HNRNPR: variants seen among roughly 807,000 people sequenced by gnomAD.
HNRNPR encodes the protein heterogeneous nuclear ribonucleoprotein R.
HNRNPR carries 4 observed loss-of-function variants against 70.3 expected under a neutral mutation model. The ratio of observed to expected loss-of-function variants is 0.06; its 90% confidence interval spans 0.03 to 0.13. The LOEUF is 0.13. HNRNPR is among the 10% of genes least tolerant of loss of function. The probability of loss-of-function intolerance (pLI) is 1.00; values close to 1 mark genes in which losing one functional copy is unlikely to be tolerated. For missense variants in HNRNPR, 423 were observed against 788.5 expected (o/e 0.54, Z 5.55); for synonymous variants, 241 against 267.6 (o/e 0.90, Z 0.97).
intron 5 of HNRNPR, among the ~76,000 whole-genome samples, chr1:23,324,468 T>C (rs909374672): frequency 1.3e-5 from 2 of 152,148 alleles, no homozygotes; most frequent in Non-Finnish European, 2.9e-5. Flanking sequence ...CTTGGGAGGC[T>C]GAGGCAGGAG....
At chr1:23,335,359 T>C (rs1646427324) in intron 4 of HNRNPR, among the ~76,000 whole-genome samples, 1 of 152,180 alleles carries the variant, frequency 6.6e-6, no homozygotes, top group Admixed American at 6.5e-5. Flanking sequence ...ATAAATGTAA[T>C]ATAAAACAGG....
rs147254283 is a variant in HNRNPR at position 23,310,559 on chromosome 1, G to A, written c.1797C>T (p.Ile599=). The A allele has an allele frequency of 2.5e-5, 40 of 1,614,074 alleles. 1 individual carries two copies. The highest frequency in any genetic ancestry group is 1.6e-4 in the African/African-American group (12 of 74,924). The part of the protein sequence containing the change: ...NNQQNWGSQP[I]AQQPLQQGGD... ...CACCTTGCTGAAGCGGCTGCTGAGCGATGGGTTGGGAACCCCAGTTCTGTT... is the reference window on the plus strand; with the variant it reads ...CACCTTGCTGAAGCGGCTGCTGAGCAATGGGTTGGGAACCCCAGTTCTGTT... Residue 599 remains isoleucine (I), a synonymous_variant, in exon 11 of 11, where the codon ATC becomes ATT. Coordinates refer to ENST00000302271, the MANE Select transcript of HNRNPR (RefSeq NM_005826.5). This position sits in a 1 kb window ranked among gnomAD's most constrained non-coding sequence, Gnocchi z 6.0.
In HNRNPR at chr1:23,308,900, T is replaced by A. The variant is rs916758467; in HGVS notation, c.*1554A>T. On this transcript the variant is annotated 3_prime_UTR_variant, in exon 11 of 11. Coordinates refer to ENST00000302271, the MANE Select transcript of HNRNPR (RefSeq NM_005826.5). ...TGTATCCATTTTAATTATTCCCCAA[T>A]GGCTTCTGATATTTTTATCATTATA... is the stretch of plus-strand genomic sequence containing the variant. 1 of 152,086 alleles carries A rather than the reference T, an allele frequency of 6.6e-6. No individual in the cohort carries two copies. Among genetic ancestry groups the A allele is most frequent in the Non-Finnish European group, 1.5e-5 (1 of 67,934 alleles). 9.4% of individuals were successfully genotyped at this position (152,086 alleles called of 1,614,324 possible).
intron 2 of HNRNPR, among the ~76,000 whole-genome samples, chr1:23,340,122 T>C (rs942335824): frequency 6.6e-6 from 1 of 151,944 alleles, no homozygotes; most frequent in Non-Finnish European, 1.5e-5. Flanking sequence ...AGAATCTGAA[T>C]AGGCACACAC....
chr1:23,337,886 A>C, intron 3 of HNRNPR, 25 bp from the exon 4 acceptor site: 1 of 1,391,552 alleles, frequency 7.2e-7, no homozygotes, highest in Non-Finnish European at 1.0e-6. Context: ...TAATTCAATA[A>C]AAAGAATCAC....
rs1189117929 is a variant in HNRNPR at position 23,336,600 on chromosome 1, A to T, written c.384+1154T>A. On this transcript the variant is annotated intron_variant, in intron 4 of 10. Coordinates refer to ENST00000302271, the MANE Select transcript of HNRNPR (RefSeq NM_005826.5). ...AAAAAAAAAAAAAAAAAAAAAAAAA[A>T]TTAGCTGGATGTGGTGGCGCACGCC... Among the ~76,000 whole-genome samples the T allele has an allele frequency of 9.8e-5, 11 of 112,588 alleles. No homozygotes were observed. The South Asian group carries it at 3.1e-3, about 31-fold the overall frequency. The allele number at this position is 112,588 out of a possible 152,430, so 73.9% of individuals were successfully genotyped here.
chr1:23,331,405 T>TAAA (rs59528152), intron 5 of HNRNPR, among the ~76,000 whole-genome samples: 17 of 127,236 alleles, frequency 1.3e-4, no homozygotes, highest in African/African-American at 3.9e-4. Flanking sequence ...CACAAAAAAT[T>TAAA]AAAAAAAAAA....
chr1:23,337,583 G>A lies in HNRNPR; in HGVS notation c.384+171C>T, dbSNP rs1646546773. Among the ~76,000 whole-genome samples, 4 of 151,840 alleles carry A rather than the reference G, an allele frequency of 2.6e-5. No homozygotes were observed. The South Asian group carries it at 8.3e-4, about 32-fold the overall frequency. On this transcript the variant is annotated intron_variant, in intron 4 of 10. Transcript: ENST00000302271. ...GAGGCAGGAGAATGGCATGAACTTG[G>A]GAGGTGGAGCTTGCAGTGATCCAAG...
At chr1:23,328,832 G>C (rs1446366776) in intron 5 of HNRNPR, among the ~76,000 whole-genome samples, 1 of 152,050 alleles carries the variant, frequency 6.6e-6, no homozygotes, top group African/African-American at 2.4e-5. Context: ...CAACTTCCTA[G>C]TGTGGGTTGG....
In HNRNPR at chr1:23,306,048, A is replaced by T. The variant is rs1180395804; in HGVS notation, c.*4406T>A. The T allele has an allele frequency of 6.6e-6, 1 of 152,200 alleles. No homozygotes were observed. Among genetic ancestry groups the T allele is most frequent in the Non-Finnish European group, 1.5e-5 (1 of 68,028 alleles). 9.4% of individuals were successfully genotyped at this position (152,200 alleles called of 1,614,324 possible). On this transcript the variant is annotated 3_prime_UTR_variant, in exon 11 of 11. Coordinates refer to ENST00000302271, the MANE Select transcript of HNRNPR (RefSeq NM_005826.5). ...TGCAATAAATATCTCTTTAAGATGC[A>T]TTATATGTTAATCTATCCAACAAAA...
At chr1:23,335,427 G>A (rs1646431639) in intron 4 of HNRNPR, among the ~76,000 whole-genome samples, 1 of 152,256 alleles carries the variant, frequency 6.6e-6, no homozygotes, top group Non-Finnish European at 1.5e-5. Context: ...TAGGAACCGG[G>A]CTGCATAGCA....
At chr1:23,312,170 C>A (rs1557822084) in intron 9 of HNRNPR, among the ~76,000 whole-genome samples, 2 of 152,122 alleles carry the variant, frequency 1.3e-5, no homozygotes, top group East Asian at 3.9e-4. Flanking sequence ...TTATAAGTAT[C>A]TAGACAAAAA....
intron 9 of HNRNPR, 134 bp downstream of exon 9, chr1:23,313,419 T>C: frequency 1.6e-6 from 1 of 642,486 alleles, no homozygotes; most frequent in African/African-American, 1.9e-5. Flanking sequence ...TATTACCACT[T>C]TACAGAGATT....
chr1:23,327,554 G>A (rs1402684928), intron 5 of HNRNPR, among the ~76,000 whole-genome samples: 1 of 152,216 alleles, frequency 6.6e-6, no homozygotes, highest in East Asian at 1.9e-4. Flanking sequence ...GTCAGGCATG[G>A]TGGCACAAGC....
chr1:23,307,131 C>G lies in HNRNPR; in HGVS notation c.*3323G>C, dbSNP rs1443215212. On this transcript the variant is annotated 3_prime_UTR_variant, in exon 11 of 11. Coordinates refer to ENST00000302271, the MANE Select transcript of HNRNPR (RefSeq NM_005826.5). The stretch of plus-strand genomic sequence containing the variant: ...AATTATCTTTGAAAAATCAAAATGA[C>G]AAGTTTTAACATATTTAGAAGCCTT... The G allele has an allele frequency of 6.6e-6, 1 of 152,006 alleles. No homozygotes were observed. Among genetic ancestry groups the G allele is most frequent in the Non-Finnish European group, 1.5e-5 (1 of 67,980 alleles). 9.4% of individuals were successfully genotyped at this position (152,006 alleles called of 1,614,324 possible). A position where few individuals can be genotyped will look rare whatever the true frequency, so the allele number is the denominator to read the frequency against.
Position 23,313,700 on chromosome 1 carries a change from T to A in HNRNPR, c.1020A>T (p.Val340=). 6.3e-7 allele frequency: 1 copy of A among 1,597,664 alleles called. No individual in the cohort carries two copies. The highest frequency in any genetic ancestry group is 8.5e-7 in the Non-Finnish European group (1 of 1,176,224). The change falls in exon 9 of 11, where the codon GTA becomes GTT. Residue 340 remains valine, a splice_region_variant and synonymous_variant. Coordinates refer to ENST00000302271, the MANE Select transcript of HNRNPR (RefSeq NM_005826.5). ...EEPDPEVMAK[V]KVLFVRNLAT... ...CCAAGTTTCTCACAAACAAAACTTT[T>A]ACCTAGTAAGCAACAAATAAACAAA...
At chr1:23,331,802 C>A (rs1290182625) in intron 5 of HNRNPR, among the ~76,000 whole-genome samples, 1 of 124,506 alleles carries the variant, frequency 8.0e-6, no homozygotes, top group African/African-American at 3.0e-5. Context: ...CACCACTAAA[C>A]TCCAGTCTGG....
chr1:23,316,212 G>A (rs189875223), intron 8 of HNRNPR, among the ~76,000 whole-genome samples: 12 of 152,292 alleles, frequency 7.9e-5, no homozygotes, highest in Non-Finnish European at 1.2e-4. Flanking sequence ...GGCTGAAGCA[G>A]GAGGGACGCT....
chr1:23,334,601 G>A (rs1466906211), intron 4 of HNRNPR, among the ~76,000 whole-genome samples: 3 of 152,060 alleles, frequency 2.0e-5, no homozygotes, highest in Admixed American at 2.0e-4. Flanking sequence ...TTGTACTCCT[G>A]CCATATCATA....
Sources: gnomAD v4.1 joint callset for allele counts (sites outside exome capture counted in the v4.1 genomes callset) on GRCh38, gnomAD v4.1.1 for gene constraint, Gnocchi (gnomAD v3.1) non-coding constraint, MANE v1.5 for transcripts, NCBI Gene and HGNC (gene_info 2026-07-23, HGNC 2026-07-21) for gene names.